The following PARPBP variants were observed in gnomAD, a reference collection of about 807,000 sequenced individuals.
The protein encoded by PARPBP is PARP1 binding protein.
In PARPBP, 52 loss-of-function variants were observed where a neutral mutation model predicts 50.0. The observed-to-expected ratio is 1.04, with a 90% CI of 0.83 to 1.31. PARPBP has a LOEUF of 1.31. Ranked by LOEUF, PARPBP falls within the 50% of genes most tolerant of loss-of-function variation. PARPBP has a pLI of 0.00. For synonymous variants in PARPBP, 244 were observed against 232.1 expected (o/e 1.05, Z -0.47); for missense variants, 697 against 672.0 (o/e 1.04, Z -0.41).
At chr12:102,124,248 A>G (rs983220254) in intron 2 of PARPBP, among the ~76,000 whole-genome samples, 3 of 152,244 alleles carry the variant, frequency 2.0e-5, no homozygotes, top group East Asian at 1.9e-4. Context: ...TTAAGCTCTT[A>G]TGTATGGTTA....
At chr12:102,121,678 C>T (rs76465814) in intron 1 of PARPBP, among the ~76,000 whole-genome samples, 5,390 of 151,498 alleles carry the variant, frequency 0.036, 383 homozygotes, top group East Asian at 0.29. Flanking sequence ...CTCAGCCTCC[C>T]AAGTAGCTGG....
At chr12:102,185,321 A>G (rs1374728455) in intron 9 of PARPBP, among the ~76,000 whole-genome samples, 4 of 152,220 alleles carry the variant, frequency 2.6e-5, no homozygotes, top group Non-Finnish European at 5.9e-5. Context: ...TGTTGATATA[A>G]TGTATCACAT....
intron 2 of PARPBP, among the ~76,000 whole-genome samples, chr12:102,127,532 A>G (rs1209483233): frequency 1.3e-5 from 2 of 152,092 alleles, no homozygotes; most frequent in African/African-American, 4.8e-5. Context: ...ATTTTTTTGG[A>G]CAGCTACCAT....
chr12:102,148,630 A>C (rs1334019666), intron 3 of PARPBP, 167 bp downstream of exon 3: 3 of 452,496 alleles, frequency 6.6e-6, no homozygotes, highest in Non-Finnish European at 1.2e-5. Context: ...ACTTGAAAGA[A>C]AGATTTTGTG....
intron 8 of PARPBP, 121 bp from the exon 9 acceptor site, chr12:102,182,428 C>A (rs1331233331): frequency 1.5e-6 from 1 of 657,416 alleles, no homozygotes; most frequent in East Asian, 2.8e-5. Context: ...TGGGAGGTAA[C>A]CCCATCATAA....
chr12:102,165,709 C>A lies in PARPBP; in HGVS notation c.667-20C>A. ...TAATAAATCACTGGACATAACTTAT[C>A]CGTTTGTTTTAATTCATAGGTGGCC... On this transcript the variant is annotated intron_variant, in intron 5 of 10. Transcript: ENST00000327680. 1 of 1,575,968 alleles carries A rather than the reference C, an allele frequency of 6.3e-7. No homozygotes were observed. The highest frequency in any genetic ancestry group is 8.7e-7 in the Non-Finnish European group (1 of 1,155,638).
intron 2 of PARPBP, among the ~76,000 whole-genome samples, chr12:102,134,923 C>T (rs552672501): frequency 9.2e-5 from 14 of 152,178 alleles, no homozygotes; most frequent in Non-Finnish European, 1.5e-4. Flanking sequence ...AGGGATCTGC[C>T]TGCCTCGGTC....
intron 6 of PARPBP, among the ~76,000 whole-genome samples, chr12:102,175,188 T>C (rs972477131): frequency 9.2e-5 from 14 of 152,224 alleles, no homozygotes; most frequent in African/African-American, 3.4e-4. Flanking sequence ...TTTAAATATA[T>C]TGCATGTGTA....
At chr12:102,151,516 G>A (rs1304348676) in intron 3 of PARPBP, 4 of 1,277,018 alleles carry the variant, frequency 3.1e-6, no homozygotes, top group Non-Finnish European at 4.4e-6. Flanking sequence ...GGGGTCCTTT[G>A]GGTGGGTCCC....
intron 2 of PARPBP, among the ~76,000 whole-genome samples, chr12:102,135,503 G>GCA (rs1214046924): frequency 7.6e-6 from 1 of 130,894 alleles, no homozygotes; most frequent in Non-Finnish European, 1.5e-5. Context: ...TCGCACCACT[G>GCA]CACTCCAGCC....
chr12:102,142,208 C>T (rs1173063298), intron 2 of PARPBP, among the ~76,000 whole-genome samples: 1 of 152,048 alleles, frequency 6.6e-6, no homozygotes, highest in African/African-American at 2.4e-5. Flanking sequence ...TTTCTCTAAA[C>T]TTGTCTTCTC....
At chr12:102,178,875 G>C in intron 8 of PARPBP, 105 bp downstream of exon 8, 1 of 681,016 alleles carries the variant, frequency 1.5e-6, no homozygotes, top group Non-Finnish European at 2.3e-6. Context: ...AAATTGTGAA[G>C]AAAGAAAATA....
At chr12:102,147,917 C>T (rs1490730233) in intron 2 of PARPBP, among the ~76,000 whole-genome samples, 1 of 152,058 alleles carries the variant, frequency 6.6e-6, no homozygotes, top group Non-Finnish European at 1.5e-5. Flanking sequence ...TTACTGCCCA[C>T]CCATCCATCC....
At chr12:102,142,784 C>T (rs1043897910) in intron 2 of PARPBP, among the ~76,000 whole-genome samples, 1 of 152,198 alleles carries the variant, frequency 6.6e-6, no homozygotes, top group African/African-American at 2.4e-5. Flanking sequence ...CTGGGTATCA[C>T]CAGTGGAGGC....
chr12:102,183,132 A>G lies in PARPBP; in HGVS notation c.1263+505A>G, dbSNP rs569421676. ...AAGTTTTGCTGTCTTCATATGAAAC[A>G]TCTGTGCCTATAAGTAATCAATAAT... is the stretch of plus-strand genomic sequence containing the variant. On this transcript the variant is annotated intron_variant, in intron 9 of 10. Coordinates refer to ENST00000327680, the MANE Select transcript of PARPBP (RefSeq NM_017915.5). Among the ~76,000 whole-genome samples, 5 of 152,240 alleles carry G rather than the reference A, an allele frequency of 3.3e-5. No homozygotes were observed. The East Asian group carries it at 9.6e-4, about 29-fold the overall frequency.
At chr12:102,137,723 C>G (rs561870404) in intron 2 of PARPBP, among the ~76,000 whole-genome samples, 74 of 150,878 alleles carry the variant, frequency 4.9e-4, no homozygotes, top group Admixed American at 4.9e-3. Flanking sequence ...TCTCATTGTT[C>G]AGTTCCCACC....
intron 4 of PARPBP, chr12:102,155,089 C>T (rs1337945697): frequency 4.0e-6 from 1 of 250,248 alleles, no homozygotes; most frequent in African/African-American, 2.3e-5. Flanking sequence ...CAAGGTGTCC[C>T]ACCTTTCCAG....
intron 9 of PARPBP, among the ~76,000 whole-genome samples, chr12:102,193,732 A>G (rs1565907814): frequency 6.6e-6 from 1 of 152,088 alleles, no homozygotes; most frequent in East Asian, 1.9e-4. Context: ...ATCTGTAGTT[A>G]TAGGATTAAT....
At position 102,165,709 on chromosome 12, in the gene PARPBP, C is replaced by T; in HGVS notation, c.667-20C>T. 1.3e-6 allele frequency: 2 copies of T among 1,575,968 alleles called. No homozygotes were observed. The highest frequency in any genetic ancestry group is 2.3e-5 in the South Asian group (2 of 86,174). On this transcript the variant is annotated intron_variant, in intron 5 of 10. Coordinates refer to ENST00000327680, the MANE Select transcript of PARPBP (RefSeq NM_017915.5). ...TAATAAATCACTGGACATAACTTAT[C>T]CGTTTGTTTTAATTCATAGGTGGCC...
Sources: allele counts gnomAD v4.1 joint callset (sites outside exome capture counted in the v4.1 genomes callset), GRCh38; gene constraint gnomAD v4.1.1; transcripts MANE v1.5; gene names NCBI Gene and HGNC (gene_info 2026-07-23, HGNC 2026-07-21).